CNNM2: variants seen among roughly 807,000 people sequenced by gnomAD.
CNNM2 encodes metal transporter CNNM2.
In CNNM2, 12 loss-of-function variants were observed where a neutral mutation model predicts 66.9. The ratio of observed to expected loss-of-function variants is 0.18; its 90% confidence interval spans 0.11 to 0.29. CNNM2 has a LOEUF of 0.29. Among genes scored for constraint, CNNM2 ranks in the 10% least tolerant of loss-of-function variants. The probability of loss-of-function intolerance (pLI) is 1.00; values close to 1 mark genes in which losing one functional copy is unlikely to be tolerated. For synonymous variants in CNNM2, 557 were observed against 501.8 expected, an observed-to-expected ratio of 1.11 and a Z score of -1.47; for missense variants, 705 against 1,167.7, an observed-to-expected ratio of 0.60 and a Z score of 5.77.
At position 103,021,122 on chromosome 10, in the gene CNNM2, C is replaced by T. The variant is rs72850111; in HGVS notation, c.1622-28585C>T. Reference sequence around the variant, plus strand: ...GAAACAGTGGTTTTTAGACACTAGACAACAGGCAAGGCGGGAGAGAAGGCA... The same window carrying T: ...GAAACAGTGGTTTTTAGACACTAGATAACAGGCAAGGCGGGAGAGAAGGCA... On this transcript the variant is annotated intron_variant, in intron 1 of 7. Coordinates refer to ENST00000369878, the MANE Select transcript of CNNM2 (RefSeq NM_017649.5). 0.018 allele frequency among the ~76,000 whole-genome samples: 2,676 copies of T among 152,128 alleles called. 25 individuals carry two copies. Among genetic ancestry groups the T allele is most frequent in the Non-Finnish European group, 0.026 (1,736 of 68,000 alleles).
At position 103,079,711 on chromosome 10, in the gene CNNM2, A is replaced by G. The variant is rs1234011967; in HGVS notation, c.*2531A>G. ...ATGAAATTTTAGCCGCCAAGTTCGT[A>G]TTCATTTTCTGTTATTCTTTACCTT... On this transcript the variant is annotated 3_prime_UTR_variant, in exon 8 of 8. Transcript: ENST00000369878. 1 of 152,200 alleles carries G rather than the reference A, an allele frequency of 6.6e-6. No individual in the cohort carries two copies. Among genetic ancestry groups the G allele is most frequent in the East Asian group, 1.9e-4 (1 of 5,202 alleles). The allele number at this position is 152,200 out of a possible 1,614,324, so 9.4% of individuals were successfully genotyped here. A position where few individuals can be genotyped will look rare whatever the true frequency, so the allele number is the denominator to read the frequency against.
rs1333029199 is a variant in CNNM2, at chr10:103,082,527, A to G, written c.*5347A>G. The G allele has an allele frequency of 6.6e-6, 1 of 152,176 alleles. No individual in the cohort carries two copies. The highest frequency in any genetic ancestry group is 1.5e-5 in the Non-Finnish European group (1 of 68,032). 9.4% of individuals were successfully genotyped at this position (152,176 alleles called of 1,614,324 possible). A position where few individuals can be genotyped will look rare whatever the true frequency, so the allele number is the denominator to read the frequency against. On this transcript the variant is annotated 3_prime_UTR_variant, in exon 8 of 8. Transcript: ENST00000369878. ...GAGTCCTTTAAACCCACAAATGTATATGCTTTATTTTATATTATTTATTAT... is the reference window on the plus strand; with the variant it reads ...GAGTCCTTTAAACCCACAAATGTATGTGCTTTATTTTATATTATTTATTAT...
rs2065758634 is a variant in CNNM2 at position 103,081,659 on chromosome 10, G to C, written c.*4479G>C. On this transcript the variant is annotated 3_prime_UTR_variant, in exon 8 of 8. Transcript: ENST00000369878. ...AGTGGTGCACCAATAGCTTGCTGCT[G>C]TTACTTAGCAAGGCTGTGACAAGTA... 6.6e-6 allele frequency: 1 copy of C among 152,338 alleles called. No homozygotes were observed. The highest frequency in any genetic ancestry group is 1.9e-4 in the East Asian group (1 of 5,188). 9.4% of individuals were successfully genotyped at this position (152,338 alleles called of 1,614,324 possible).
chr10:102,993,374 T>A (rs2063931388), intron 1 of CNNM2, among the ~76,000 whole-genome samples: 1 of 152,244 alleles, frequency 6.6e-6, no homozygotes, highest in Non-Finnish European at 1.5e-5. Flanking sequence ...TTAAGACTTT[T>A]GTGACTTAGG....
At chr10:102,966,571 G>A (rs2063468030) in intron 1 of CNNM2, among the ~76,000 whole-genome samples, 3 of 152,212 alleles carry the variant, frequency 2.0e-5, no homozygotes, top group Non-Finnish European at 4.4e-5. Context: ...AGGCTGCAGT[G>A]AGTCGAGATC....
chr10:103,009,069 G>A (rs954577211), intron 1 of CNNM2, among the ~76,000 whole-genome samples: 1 of 152,132 alleles, frequency 6.6e-6, no homozygotes, highest in East Asian at 1.9e-4. Flanking sequence ...CTGAGGTCAG[G>A]AGTTTGAGAC....
chr10:102,948,453 A>G (rs1489712715), intron 1 of CNNM2, among the ~76,000 whole-genome samples: 1 of 152,130 alleles, frequency 6.6e-6, no homozygotes. Context: ...TGTACACTCA[A>G]GGAGCTGAAA....
intron 1 of CNNM2, among the ~76,000 whole-genome samples, chr10:102,957,359 G>A (rs1351139804): frequency 6.6e-6 from 1 of 152,162 alleles, no homozygotes; most frequent in African/African-American, 2.4e-5. Flanking sequence ...GTGGAGATAG[G>A]ACTAGGAGAG....
intron 1 of CNNM2, among the ~76,000 whole-genome samples, chr10:102,990,818 A>T (rs536944546): frequency 8.5e-5 from 13 of 152,268 alleles, no homozygotes; most frequent in African/African-American, 3.1e-4. Context: ...AGTGCCTTGA[A>T]TGGTTGACGG....
intron 1 of CNNM2, among the ~76,000 whole-genome samples, chr10:103,014,103 G>A (rs935401544): frequency 2.6e-5 from 4 of 152,108 alleles, no homozygotes; most frequent in Non-Finnish European, 4.4e-5. Flanking sequence ...TGTCATGTTG[G>A]TTCTCTTTAC....
intron 4 of CNNM2, among the ~76,000 whole-genome samples, chr10:103,068,097 C>T (rs1454947930): frequency 1.3e-5 from 2 of 152,230 alleles, no homozygotes; most frequent in Non-Finnish European, 2.9e-5. Flanking sequence ...CCAGCATCAT[C>T]TTGGTGCTGG....
intron 1 of CNNM2, among the ~76,000 whole-genome samples, chr10:102,929,229 C>T (rs988162237): frequency 1.3e-5 from 2 of 151,992 alleles, no homozygotes; most frequent in Admixed American, 1.3e-4. Flanking sequence ...CACTGTACTC[C>T]GCCTGTGCGA....
intron 1 of CNNM2, among the ~76,000 whole-genome samples, chr10:103,023,101 C>T (rs867729848): frequency 3.3e-5 from 5 of 152,112 alleles, no homozygotes; most frequent in South Asian, 2.1e-4. Flanking sequence ...GAGGGCGCTT[C>T]GCTATGTTGC....
rs2065799977 is a variant in CNNM2 at position 103,085,772 on chromosome 10, AC to A, written c.*8593del. 1.3e-5 allele frequency: 2 copies of A among 152,330 alleles called. No individual in the cohort carries two copies. Among genetic ancestry groups the A allele is most frequent in the Admixed American group, 1.3e-4 (2 of 15,304 alleles). The allele number at this position is 152,330 out of a possible 1,614,324, so 9.4% of individuals were successfully genotyped here. A position where few individuals can be genotyped will look rare whatever the true frequency, so the allele number is the denominator to read the frequency against. On this transcript the variant is annotated 3_prime_UTR_variant, in exon 8 of 8. Transcript: ENST00000369878. ...GAGTACTTTTTTGTGTTAAAGCTCT[AC>A]AGAGAAACTTCTGTATATATTTTAT...
chr10:102,960,960 C>A (rs919249855), intron 1 of CNNM2, among the ~76,000 whole-genome samples: 12 of 150,922 alleles, frequency 8.0e-5, no homozygotes, highest in African/African-American at 2.9e-4. Flanking sequence ...ATGGTGAGAT[C>A]TTGGCTCACT....
In CNNM2 at chr10:103,084,939, G is replaced by T. The variant is rs573581166; in HGVS notation, c.*7759G>T. ...CCAAAAAGTTGAATTCTATTAGGTG[G>T]ATAATAAACTCTTTTGCTTTCTTTG... On this transcript the variant is annotated 3_prime_UTR_variant, in exon 8 of 8. Coordinates refer to ENST00000369878, the MANE Select transcript of CNNM2 (RefSeq NM_017649.5). 6.4e-4 allele frequency: 97 copies of T among 152,224 alleles called. No individual in the cohort carries two copies. Among genetic ancestry groups the T allele is most frequent in the African/African-American group, 2.3e-3 (95 of 41,526 alleles). 9.4% of individuals were successfully genotyped at this position (152,224 alleles called of 1,614,324 possible).
At chr10:103,056,258 T>C (rs2065295056) in intron 3 of CNNM2, among the ~76,000 whole-genome samples, 1 of 147,562 alleles carries the variant, frequency 6.8e-6, no homozygotes, top group African/African-American at 2.5e-5. Context: ...TGAACATTAC[T>C]TTTTTTTTTT....
intron 1 of CNNM2, among the ~76,000 whole-genome samples, chr10:102,985,792 A>G (rs1302050057): frequency 6.6e-6 from 1 of 152,242 alleles, no homozygotes; most frequent in East Asian, 1.9e-4. Flanking sequence ...TCAAGGGACT[A>G]GTAAAAGGAT....
At chr10:103,061,529 TCTCTC>T (rs1315976807) in intron 4 of CNNM2, among the ~76,000 whole-genome samples, 1 of 152,062 alleles carries the variant, frequency 6.6e-6, no homozygotes, top group Non-Finnish European at 1.5e-5. Context: ...AAAAAAAAGT[TCTCTC>T]CTCTCCTATA....
Sources: allele counts gnomAD v4.1 joint callset (sites outside exome capture counted in the v4.1 genomes callset), GRCh38; gene constraint gnomAD v4.1.1; transcripts MANE v1.5; gene names NCBI Gene and HGNC (gene_info 2026-07-23, HGNC 2026-07-21).